The following GABRB1 variants were observed in gnomAD, a reference collection of about 807,000 sequenced individuals.
GABRB1 encodes gamma-aminobutyric acid receptor subunit beta-1.
A neutral mutation model predicts 51.6 loss-of-function variants in GABRB1; 17 were observed. The observed-to-expected ratio is 0.33, with a 90% CI of 0.23 to 0.49. The LOEUF (loss-of-function observed/expected upper bound fraction) is 0.49. Ranked by LOEUF, GABRB1 falls within the 20% of genes least tolerant of loss-of-function variation. The pLI is 0.99. For synonymous variants in GABRB1, 247 were observed against 218.9 expected (o/e 1.13, Z -1.14); for missense variants, 410 against 600.6 (o/e 0.68, Z 3.32).
At chr4:47,363,611 G>A (rs1476295484) in intron 5 of GABRB1, among the ~76,000 whole-genome samples, 1 of 152,134 alleles carries the variant, frequency 6.6e-6, no homozygotes, top group African/African-American at 2.4e-5. Context: ...GTTACCATTA[G>A]AGAATAGAAA....
chr4:47,383,517 T>C (rs1469757812), intron 5 of GABRB1, among the ~76,000 whole-genome samples: 1 of 152,034 alleles, frequency 6.6e-6, no homozygotes, highest in East Asian at 1.9e-4. Context: ...ACTAGGCAAA[T>C]AAGTTAATAA....
intron 4 of GABRB1, among the ~76,000 whole-genome samples, chr4:47,172,671 T>C (rs893801562): frequency 8.2e-6 from 1 of 122,472 alleles, no homozygotes; most frequent in Admixed American, 1.2e-4. Flanking sequence ...AGATGGAGTC[T>C]TCCTATGTCG....
intron 5 of GABRB1, among the ~76,000 whole-genome samples, chr4:47,331,859 A>C (rs191896323): frequency 1.3e-5 from 2 of 152,298 alleles, no homozygotes. Context: ...TCAAGACAAA[A>C]ATCTGTAGAG....
At chr4:47,048,346 T>C (rs1285213442) in intron 3 of GABRB1, among the ~76,000 whole-genome samples, 1 of 152,138 alleles carries the variant, frequency 6.6e-6, no homozygotes, top group East Asian at 1.9e-4. Flanking sequence ...AGCTGCCATG[T>C]CACTGAGCTT....
At chr4:47,087,364 A>T (rs1242721252) in intron 3 of GABRB1, among the ~76,000 whole-genome samples, 1 of 152,090 alleles carries the variant, frequency 6.6e-6, no homozygotes, top group Non-Finnish European at 1.5e-5. Context: ...ATTACCTATT[A>T]TTATTGATAC....
intron 4 of GABRB1, among the ~76,000 whole-genome samples, chr4:47,163,770 C>A (rs146800885): frequency 1.3e-5 from 2 of 151,900 alleles, no homozygotes; most frequent in Non-Finnish European, 2.9e-5. Flanking sequence ...CCAGTTGATG[C>A]CCTTCAGTAA....
intron 4 of GABRB1, among the ~76,000 whole-genome samples, chr4:47,313,943 G>A (rs752713657): frequency 8.6e-5 from 13 of 152,024 alleles, no homozygotes; most frequent in Non-Finnish European, 1.8e-4. Context: ...AAATCCTCCT[G>A]TGAGTCTGAA....
chr4:47,360,764 A>T (rs574794255), intron 5 of GABRB1, among the ~76,000 whole-genome samples: 3 of 152,218 alleles, frequency 2.0e-5, no homozygotes, highest in African/African-American at 7.2e-5. Flanking sequence ...TATTATATAG[A>T]GAGTAAAGTG....
At chr4:47,174,398 T>C (rs953606437) in intron 4 of GABRB1, among the ~76,000 whole-genome samples, 3 of 152,176 alleles carry the variant, frequency 2.0e-5, no homozygotes, top group Non-Finnish European at 4.4e-5. Context: ...ACAATAAATA[T>C]TTTTCATTTT....
rs57422800 is a variant in GABRB1, at chr4:47,303,386, CTATA to C, written c.462-16729_462-16726del. On this transcript the variant is annotated intron_variant, in intron 4 of 8. Transcript: ENST00000295454. ...AGGTGTGCTCTCTCTCTCTCTCTCT[CTATA>C]TATATATATATCATTCTAATAATGC... 5.0e-4 allele frequency among the ~76,000 whole-genome samples: 71 copies of C among 141,662 alleles called. 1 individual carries two copies. The East Asian group carries it at 9.6e-3, about 19-fold the overall frequency. 92.9% of individuals were successfully genotyped at this position (141,662 alleles called of 152,430 possible).
intron 5 of GABRB1, among the ~76,000 whole-genome samples, chr4:47,365,016 C>T (rs1300035727): frequency 6.6e-6 from 1 of 152,144 alleles, no homozygotes; most frequent in East Asian, 1.9e-4. Flanking sequence ...ATTTGCACCA[C>T]AGAATATGTT....
At chr4:47,333,666 A>T (rs1725585956) in intron 5 of GABRB1, among the ~76,000 whole-genome samples, 1 of 152,130 alleles carries the variant, frequency 6.6e-6, no homozygotes, top group South Asian at 2.1e-4. Flanking sequence ...AGTGAGCCAA[A>T]ATCGTGCCAT....
At chr4:47,333,726 C>A (rs4599390) in intron 5 of GABRB1, among the ~76,000 whole-genome samples, 88,638 of 151,258 alleles carry the variant, frequency 0.59, 26,184 homozygotes, top group East Asian at 0.68. Context: ...CCCACCCCCC[C>A]AAAAAAAAGA....
intron 3 of GABRB1, among the ~76,000 whole-genome samples, chr4:47,092,260 C>T (rs1374955931): frequency 2.1e-5 from 3 of 143,914 alleles, no homozygotes; most frequent in Admixed American, 1.4e-4. Flanking sequence ...GCAACCTTGG[C>T]CTCCCTGGTT....
At position 47,121,438 on chromosome 4, in the gene GABRB1, C is replaced by T. The variant is rs115810029; in HGVS notation, c.241-39811C>T. 5.3e-3 allele frequency among the ~76,000 whole-genome samples: 803 copies of T among 152,270 alleles called. 8 individuals carry two copies. Among genetic ancestry groups the T allele is most frequent in the African/African-American group, 0.019 (776 of 41,550 alleles). On this transcript the variant is annotated intron_variant, in intron 3 of 8. Coordinates refer to ENST00000295454, the MANE Select transcript of GABRB1 (RefSeq NM_000812.4). The stretch of plus-strand genomic sequence containing the variant: ...GTTAAAAAACCAAGTACTGTGATCA[C>T]TCACCTGAGTTTTGGTTTTTAGAAG...
At chr4:47,378,257 G>C (rs370341252) in intron 5 of GABRB1, among the ~76,000 whole-genome samples, 2 of 152,222 alleles carry the variant, frequency 1.3e-5, no homozygotes, top group African/African-American at 4.8e-5. Flanking sequence ...CAGCACTGAT[G>C]GGGGGACCCA....
chr4:47,118,905 G>A (rs969422273), intron 3 of GABRB1, among the ~76,000 whole-genome samples: 12 of 152,078 alleles, frequency 7.9e-5, no homozygotes, highest in Middle Eastern at 3.2e-3. Flanking sequence ...CATATACACT[G>A]AAATATTTGG....
chr4:47,257,095 G>A (rs887103144), intron 4 of GABRB1, among the ~76,000 whole-genome samples: 1 of 152,148 alleles, frequency 6.6e-6, no homozygotes, highest in Admixed American at 6.5e-5. Context: ...GTCAATGGAA[G>A]AACCTGGTAG....
intron 8 of GABRB1, among the ~76,000 whole-genome samples, chr4:47,410,669 C>A (rs948832759): frequency 6.6e-6 from 1 of 152,078 alleles, no homozygotes; most frequent in Non-Finnish European, 1.5e-5. Flanking sequence ...GTACAAATAC[C>A]AAGGAGCACA....
Sources: allele counts gnomAD v4.1 joint callset (sites outside exome capture counted in the v4.1 genomes callset), GRCh38; gene constraint gnomAD v4.1.1; transcripts MANE v1.5; gene names NCBI Gene and HGNC (gene_info 2026-07-23, HGNC 2026-07-21).